FCER2: variants seen among roughly 807,000 people sequenced by gnomAD.
The protein encoded by FCER2 is Fc epsilon receptor II, also known as low affinity immunoglobulin epsilon Fc receptor.
FCER2 carries 38 observed loss-of-function variants against 49.7 expected under a neutral mutation model. The ratio of observed to expected loss-of-function variants is 0.76; its 90% CI spans 0.59 to 1.00. The LOEUF (loss-of-function observed/expected upper bound fraction) is 1.00. FCER2 is among the 50% of genes least tolerant of loss of function. The probability of loss-of-function intolerance (pLI) is 0.00; values close to 1 mark genes in which losing one functional copy is unlikely to be tolerated. For synonymous variants in FCER2, 163 were observed against 164.6 expected (o/e 0.99, Z 0.07); for missense variants, 425 against 419.5 (o/e 1.01, Z -0.11).
At chr19:7,699,475 C>A in intron 2 of FCER2, 1 of 1,364,062 alleles carries the variant, frequency 7.3e-7, no homozygotes. Flanking sequence ...CTAGCTGAAG[C>A]CGTTTTTTTT....
Position 7,696,814 on chromosome 19 carries a change from C to T in FCER2, c.469+11G>A. 1 of 1,562,098 alleles carries T rather than the reference C, an allele frequency of 6.4e-7. No homozygotes were observed. Among genetic ancestry groups the T allele is most frequent in the Non-Finnish European group, 8.7e-7 (1 of 1,150,898 alleles). The stretch of plus-strand genomic sequence containing the variant: ...TCACGCGTCGTCCTGAGCAGAGACT[C>T]ACACACTCACCGCTGGACACCTGCA... On this transcript the variant is annotated intron_variant, in intron 8 of 10. Transcript: ENST00000597921.
chr19:7,693,966 T>A (rs1481342403), intron 8 of FCER2, among the ~76,000 whole-genome samples: 1 of 83,054 alleles, frequency 1.2e-5, no homozygotes, highest in Non-Finnish European at 2.4e-5. Context: ...TTTTTTTTTT[T>A]TTTTTTAAAG....
chr19:7,690,540 A>G lies in FCER2; in HGVS notation c.487T>C (p.Cys163Arg). The G allele has an allele frequency of 6.2e-7, 1 of 1,614,020 alleles. No individual in the cohort carries two copies. Among genetic ancestry groups the G allele is most frequent in the Non-Finnish European group, 8.5e-7 (1 of 1,179,958 alleles). ...TGGAAATTGATCCACTTTTCAGGGCACGTGTTGCACACAAAGCCTGGGGTG... is the reference window on the plus strand; with the variant it reads ...TGGAAATTGATCCACTTTTCAGGGCGCGTGTTGCACACAAAGCCTGGGGTG... ...QVSSGFVCNTCPEKWINFQRK... is the reference protein window; with the variant it reads ...QVSSGFVCNTRPEKWINFQRK... Residue 163 changes from cysteine to arginine, a missense_variant, in exon 9 of 11, where the codon TGC (cysteine) becomes CGC (arginine). Coordinates refer to ENST00000597921, the MANE Select transcript of FCER2 (RefSeq NM_001220500.2).
intron 2 of FCER2, 103 bp downstream of exon 2, chr19:7,699,636 C>T (rs1301359378): frequency 1.5e-6 from 2 of 1,332,688 alleles, no homozygotes; most frequent in African/African-American, 3.1e-5. Flanking sequence ...AATTCACCCT[C>T]TTTCCCAGAG....
At chr19:7,700,416 A>G (rs1296943230) in intron 1 of FCER2, among the ~76,000 whole-genome samples, 1 of 152,220 alleles carries the variant, frequency 6.6e-6, no homozygotes, top group Non-Finnish European at 1.5e-5. Context: ...ACTCTGTGCC[A>G]CGTCCCACTG....
rs1185122372 is a variant in FCER2 at position 7,688,845 on chromosome 19, T to C, written c.*348A>G. 1 of 274,500 alleles carries C rather than the reference T, an allele frequency of 3.6e-6. No individual in the cohort carries two copies. The highest frequency in any genetic ancestry group is 2.2e-5 in the African/African-American group (1 of 45,484). 17.0% of individuals were successfully genotyped at this position (274,500 alleles called of 1,614,324 possible). On this transcript the variant is annotated 3_prime_UTR_variant, in exon 11 of 11. Coordinates refer to ENST00000597921, the MANE Select transcript of FCER2 (RefSeq NM_001220500.2). Reference sequence around the variant, plus strand: ...GAGGACTCACCACCTGAGCTGGGGATACTCAGGTCCTGGGGTGCTGAGGAG... The same window carrying C: ...GAGGACTCACCACCTGAGCTGGGGACACTCAGGTCCTGGGGTGCTGAGGAG...
At chr19:7,701,382 G>C (rs1380314841) in intron 1 of FCER2, among the ~76,000 whole-genome samples, 4 of 152,110 alleles carry the variant, frequency 2.6e-5, no homozygotes, top group Non-Finnish European at 1.5e-5. Context: ...CCGAGTCCTG[G>C]CTTCTTCCTG....
At chr19:7,693,113 C>T (rs1470419387) in intron 8 of FCER2, among the ~76,000 whole-genome samples, 4 of 152,262 alleles carry the variant, frequency 2.6e-5, no homozygotes, top group Admixed American at 1.3e-4. Flanking sequence ...CCACACCAGC[C>T]GTGTCTTCAT....
chr19:7,693,630 G>A (rs150239445), intron 8 of FCER2, among the ~76,000 whole-genome samples: 3 of 152,034 alleles, frequency 2.0e-5, no homozygotes, highest in African/African-American at 4.8e-5. Context: ...TCCACTACAC[G>A]TGGTCAGATG....
intron 8 of FCER2, among the ~76,000 whole-genome samples, chr19:7,691,343 A>T (rs575013693): frequency 6.6e-6 from 1 of 152,208 alleles, no homozygotes; most frequent in African/African-American, 2.4e-5. Flanking sequence ...CCATGACCAC[A>T]TCACCGGCTC....
intron 8 of FCER2, among the ~76,000 whole-genome samples, chr19:7,691,834 C>T (rs1160968476): frequency 1.3e-5 from 2 of 152,144 alleles, no homozygotes; most frequent in Non-Finnish European, 2.9e-5. Flanking sequence ...TTGCCAGTTC[C>T]ACAGCCAGCA....
chr19:7,699,320 C>T, intron 2 of FCER2: 1 of 1,088,572 alleles, frequency 9.2e-7, no homozygotes, highest in Non-Finnish European at 1.3e-6. Flanking sequence ...TCTCCCAGAC[C>T]CCACCCAAAG....
intron 6 of FCER2, 21 bp downstream of exon 6, chr19:7,697,215 A>G: frequency 6.2e-7 from 1 of 1,613,142 alleles, no homozygotes; most frequent in African/African-American, 1.3e-5. Context: ...TGGCTTCATA[A>G]CCCCGATCCC....
intron 10 of FCER2, among the ~76,000 whole-genome samples, chr19:7,689,733 C>T (rs2032806777): frequency 6.6e-6 from 1 of 152,182 alleles, no homozygotes; most frequent in East Asian, 1.9e-4. Context: ...GATTCTCCCA[C>T]CTCAGCCTCT....
In FCER2 at chr19:7,688,797, T is replaced by G; in HGVS notation, c.*396A>C. 1 of 184,406 alleles carries G rather than the reference T, an allele frequency of 5.4e-6. No homozygotes were observed. The highest frequency in any genetic ancestry group is 1.1e-5 in the Non-Finnish European group (1 of 89,692). The allele number at this position is 184,406 out of a possible 1,614,324, so 11.4% of individuals were successfully genotyped here. A position where few individuals can be genotyped will look rare whatever the true frequency, so the allele number is the denominator to read the frequency against. ...AATGTGGGAGGCCATCACTGCCCCA[T>G]TTTATTGATGCAGGCTGGACAGGAG... On this transcript the variant is annotated 3_prime_UTR_variant, in exon 11 of 11. Transcript: ENST00000597921.
chr19:7,698,213 T>A, intron 4 of FCER2, 143 bp downstream of exon 4: 1 of 582,186 alleles, frequency 1.7e-6, no homozygotes, highest in Middle Eastern at 2.7e-4. Context: ...CTTCCCTGGG[T>A]CCCCGCCTTC....
At chr19:7,698,684 G>C in intron 3 of FCER2, 57 bp downstream of exon 3, 1 of 1,584,442 alleles carries the variant, frequency 6.3e-7, no homozygotes, top group Admixed American at 1.8e-5. Flanking sequence ...GTGAAGGAGG[G>C]AACACAGAAG....
At chr19:7,691,061 G>C (rs1226676296) in intron 8 of FCER2, among the ~76,000 whole-genome samples, 1 of 151,782 alleles carries the variant, frequency 6.6e-6, no homozygotes, top group Non-Finnish European at 1.5e-5. Flanking sequence ...TATCACCACA[G>C]ACACCTCACA....
rs2146265118 is a variant in FCER2, at chr19:7,689,422, GC to G, written c.736del (p.Ala246LeufsTer15). 2 of 1,584,858 alleles carry G rather than the reference GC, an allele frequency of 1.3e-6. No individual in the cohort carries two copies. The highest frequency in any genetic ancestry group is 4.6e-5 in the East Asian group (2 of 43,772). ...GCTCCGGCTGGTGGGCTCCCCTGGA[GC>G]CCAGTTGCTGGAGCAAAAGGCTTTG... ...DGSHVDYSNWAPGEPTSRSQG... is the reference protein window; with the variant it reads ...DGSHVDYSNWXPGEPTSRSQG... On this transcript the variant is annotated frameshift_variant, in exon 11 of 11. Coordinates refer to ENST00000597921, the MANE Select transcript of FCER2 (RefSeq NM_001220500.2). LOFTEE classifies it high-confidence loss of function.
Sources: allele counts gnomAD v4.1 joint callset (sites outside exome capture counted in the v4.1 genomes callset), GRCh38; gene constraint gnomAD v4.1.1; transcripts MANE v1.5; gene names NCBI Gene and HGNC (gene_info 2026-07-23, HGNC 2026-07-21).